Variants in DRD2 observed in about 807,000 individuals in gnomAD.
DRD2 encodes D(2) dopamine receptor.
DRD2 carries 8 observed loss-of-function variants against 38.0 expected under a neutral mutation model. The ratio of observed to expected loss-of-function variants is 0.21; its 90% CI spans 0.12 to 0.38. DRD2 has a LOEUF of 0.38. Among genes scored for constraint, DRD2 ranks in the 10% least tolerant of loss-of-function variants. The pLI, the probability that DRD2 is intolerant of heterozygous loss-of-function variation, is 1.00. For missense variants in DRD2, 403 were observed against 607.7 expected (o/e 0.66, Z 3.54); for synonymous variants, 230 against 238.6 (o/e 0.96, Z 0.33).
intron 1 of DRD2, among the ~76,000 whole-genome samples, chr11:113,456,511 A>G (rs1951269598): frequency 6.6e-6 from 1 of 152,238 alleles, no homozygotes; most frequent in Admixed American, 6.5e-5. Context: ...GTATTGAAGC[A>G]TTACATTGTA....
intron 1 of DRD2, among the ~76,000 whole-genome samples, chr11:113,469,455 C>T (rs971638902): frequency 7.9e-5 from 12 of 152,152 alleles, no homozygotes; most frequent in Non-Finnish European, 5.9e-5. Flanking sequence ...ATGCCACTTA[C>T]GTATCAGAGA....
intron 5 of DRD2, 103 bp downstream of exon 5, chr11:113,415,318 A>G: frequency 4.2e-6 from 6 of 1,437,864 alleles, no homozygotes; most frequent in Non-Finnish European, 5.6e-6. Flanking sequence ...CCTAGACCTA[A>G]CCCTTGCTGA....
At chr11:113,429,654 G>C (rs915015278) in intron 1 of DRD2, among the ~76,000 whole-genome samples, 25 of 152,244 alleles carry the variant, frequency 1.6e-4, no homozygotes, top group Non-Finnish European at 3.4e-4. Flanking sequence ...AGCCTAGCTG[G>C]CTCTCACCAT....
In DRD2 at chr11:113,472,823, G is replaced by A. The variant is rs537639574; in HGVS notation, c.-32+2253C>T. Among the ~76,000 whole-genome samples the A allele has an allele frequency of 3.3e-5, 5 of 152,204 alleles. No homozygotes were observed. The South Asian group carries it at 1.0e-3, about 32-fold the overall frequency. The stretch of plus-strand genomic sequence containing the variant: ...AAACACTGAGTTGACCCCCATAGAG[G>A]GACAGTTAGTATTTACATAAGTCAA... On this transcript the variant is annotated intron_variant, in intron 1 of 7. Transcript: ENST00000362072.
At chr11:113,453,410 A>AGTCCGT (rs1218686436) in intron 1 of DRD2, among the ~76,000 whole-genome samples, 1 of 152,230 alleles carries the variant, frequency 6.6e-6, no homozygotes, top group East Asian at 1.9e-4. Context: ...ATACGCACTC[A>AGTCCGT]GTCCGTGTTA....
intron 1 of DRD2, among the ~76,000 whole-genome samples, chr11:113,459,406 C>A (rs1333714062): frequency 1.3e-5 from 2 of 152,140 alleles, no homozygotes; most frequent in Non-Finnish European, 2.9e-5. Context: ...GGACTTCATC[C>A]AATCCAATAC....
intron 1 of DRD2, among the ~76,000 whole-genome samples, chr11:113,427,058 T>A (rs960387356): frequency 6.6e-6 from 1 of 152,250 alleles, no homozygotes; most frequent in African/African-American, 2.4e-5. Context: ...CCCCACTCCC[T>A]GCTGCTGATG....
chr11:113,468,906 C>G (rs553279892), intron 1 of DRD2, among the ~76,000 whole-genome samples: 1 of 152,164 alleles, frequency 6.6e-6, no homozygotes, highest in Non-Finnish European at 1.5e-5. Context: ...GTCCAGGATC[C>G]CAGGCCATCC....
chr11:113,437,780 C>A (rs1951052542), intron 1 of DRD2, among the ~76,000 whole-genome samples: 1 of 152,182 alleles, frequency 6.6e-6, no homozygotes, highest in African/African-American at 2.4e-5. Flanking sequence ...GCAGGCCAGG[C>A]TCCTCCCCAA....
intron 1 of DRD2, among the ~76,000 whole-genome samples, chr11:113,448,582 C>A (rs907759443): frequency 1.3e-5 from 2 of 152,236 alleles, no homozygotes; most frequent in Non-Finnish European, 2.9e-5. Flanking sequence ...TCAGCCCCAG[C>A]CATGAGAGAG....
chr11:113,429,592 G>A (rs1301137327), intron 1 of DRD2, among the ~76,000 whole-genome samples: 2 of 152,088 alleles, frequency 1.3e-5, no homozygotes, highest in African/African-American at 2.4e-5. Flanking sequence ...GGTTTCTATC[G>A]TGTCTTCAGC....
intron 2 of DRD2, among the ~76,000 whole-genome samples, chr11:113,418,801 C>T (rs1950853072): frequency 6.6e-6 from 1 of 152,158 alleles, no homozygotes; most frequent in African/African-American, 2.4e-5. Context: ...CTTAATCTGC[C>T]CTGCCTTGCA....
Position 113,410,377 on chromosome 11 carries a change from C to A in DRD2, c.*350G>T. 2 of 460,612 alleles carry A rather than the reference C, an allele frequency of 4.3e-6. No individual in the cohort carries two copies. The highest frequency in any genetic ancestry group is 8.0e-6 in the Non-Finnish European group (2 of 249,470). The allele number at this position is 460,612 out of a possible 1,614,324, so 28.5% of individuals were successfully genotyped here. The stretch of plus-strand genomic sequence containing the variant: ...AGAAAACTCAGCCTCTGGGCCCTGA[C>A]TCAGGCTCCAGCAACCCTAGAGCCC... On this transcript the variant is annotated 3_prime_UTR_variant, in exon 8 of 8. Transcript: ENST00000362072.
At chr11:113,422,579 T>C (rs1032828446) in intron 2 of DRD2, among the ~76,000 whole-genome samples, 3 of 152,208 alleles carry the variant, frequency 2.0e-5, no homozygotes, top group African/African-American at 7.2e-5. Context: ...ATTGGACTCC[T>C]GGCCTGTGTC....
At chr11:113,419,560 G>A (rs998492355) in intron 2 of DRD2, among the ~76,000 whole-genome samples, 1 of 137,680 alleles carries the variant, frequency 7.3e-6, no homozygotes, top group Admixed American at 8.0e-5. Context: ...ACACACTCAC[G>A]GCAGCTGTCC....
intron 1 of DRD2, among the ~76,000 whole-genome samples, chr11:113,426,216 A>T (rs1044367085): frequency 3.3e-5 from 5 of 151,856 alleles, no homozygotes; most frequent in African/African-American, 1.2e-4. Flanking sequence ...AAGCAGGGAG[A>T]TAAGGAGTTG....
rs556725326 is a variant in DRD2 at position 113,438,936 on chromosome 11, C to G, written c.-31-14254G>C. On this transcript the variant is annotated intron_variant, in intron 1 of 7. Coordinates refer to ENST00000362072, the MANE Select transcript of DRD2 (RefSeq NM_000795.4). ...AAATCCAGTTCCCTTGGATGAGCCA[C>G]TTCTCTAATTCTCAACTTAATAGTT... Among the ~76,000 whole-genome samples the G allele has an allele frequency of 4.6e-5, 7 of 152,326 alleles. No homozygotes were observed. The East Asian group carries it at 1.3e-3, about 29-fold the overall frequency.
At chr11:113,473,008 A>G (rs538321097) in intron 1 of DRD2, among the ~76,000 whole-genome samples, 1 of 152,206 alleles carries the variant, frequency 6.6e-6, no homozygotes, top group Non-Finnish European at 1.5e-5. Flanking sequence ...ACACTTGAAG[A>G]ATTTAACAGG....
chr11:113,410,063 G>T lies in DRD2; in HGVS notation c.*664C>A. 1 of 158,840 alleles carries T rather than the reference G, an allele frequency of 6.3e-6. No individual in the cohort carries two copies. Among genetic ancestry groups the T allele is most frequent in the Non-Finnish European group, 1.4e-5 (1 of 71,876 alleles). The allele number at this position is 158,840 out of a possible 1,614,324, so 9.8% of individuals were successfully genotyped here. A position where few individuals can be genotyped will look rare whatever the true frequency, so the allele number is the denominator to read the frequency against. On this transcript the variant is annotated 3_prime_UTR_variant, in exon 8 of 8. Transcript: ENST00000362072. ...GACCCTCCTGGGCCCTTCAAGATGA[G>T]GGCTCCTCTTCTCAGAGCATGTGGA...
Sources: allele counts gnomAD v4.1 joint callset (sites outside exome capture counted in the v4.1 genomes callset), GRCh38; gene constraint gnomAD v4.1.1; transcripts MANE v1.5; gene names NCBI Gene and HGNC (gene_info 2026-07-23, HGNC 2026-07-21).